HADHA: variants seen among roughly 807,000 people sequenced by gnomAD.
HADHA encodes the protein hydroxyacyl-CoA dehydrogenase trifunctional multienzyme complex subunit alpha.
A neutral mutation model predicts 91.3 loss-of-function variants in HADHA; 59 were observed. The observed-to-expected ratio is 0.65, with a 90% confidence interval of 0.52 to 0.80. The LOEUF (loss-of-function observed/expected upper bound fraction) is 0.80. Ranked by LOEUF, HADHA falls within the 30% of genes least tolerant of loss-of-function variation. HADHA has a pLI of 0.00. For synonymous variants in HADHA, 320 were observed against 338.9 expected (o/e 0.94, Z 0.61); for missense variants, 800 against 927.6 (o/e 0.86, Z 1.79).
At chr2:26,244,020 G>C (rs868005904) in intron 1 of HADHA, among the ~76,000 whole-genome samples, 1 of 152,264 alleles carries the variant, frequency 6.6e-6, no homozygotes, top group African/African-American at 2.4e-5. Flanking sequence ...TACTTGATTG[G>C]GGTAGTAAGC....
intron 7 of HADHA, among the ~76,000 whole-genome samples, chr2:26,228,454 T>C (rs1670535291): frequency 6.6e-6 from 1 of 152,132 alleles, no homozygotes; most frequent in Admixed American, 6.6e-5. Flanking sequence ...GACTTAAAGA[T>C]GAATGTTCAT....
At chr2:26,227,516 A>G (rs1259629581) in intron 7 of HADHA, among the ~76,000 whole-genome samples, 3 of 152,012 alleles carry the variant, frequency 2.0e-5, no homozygotes, top group African/African-American at 7.2e-5. Context: ...TGTCTCAAAA[A>G]AAAAAAAAGA....
intron 7 of HADHA, among the ~76,000 whole-genome samples, chr2:26,222,211 G>A (rs1441792438): frequency 6.6e-6 from 1 of 152,210 alleles, no homozygotes; most frequent in Non-Finnish European, 1.5e-5. Flanking sequence ...GACACAGTAA[G>A]AAAGCAGTGC....
rs752300459 is a variant in HADHA, at chr2:26,194,571, TG to T, written c.1687del (p.Gln563ArgfsTer12). 1 of 1,597,250 alleles carries T rather than the reference TG, an allele frequency of 6.3e-7. No individual in the cohort carries two copies. The highest frequency in any genetic ancestry group is 8.6e-7 in the Non-Finnish European group (1 of 1,164,684). On this transcript the variant is annotated frameshift_variant and splice_region_variant, in exon 16 of 20. Transcript: ENST00000380649. LOFTEE classifies it high-confidence loss of function. ...PMMSEVIRIL[Q>X]EGVDPKKLDS... ...AACACTCTGGAGAGCAATACCAACC[TG>T]GAGGATTCGGATGACTTCAGACATC...
At chr2:26,207,424 A>C (rs1222018720) in intron 11 of HADHA, among the ~76,000 whole-genome samples, 1 of 151,132 alleles carries the variant, frequency 6.6e-6, no homozygotes, top group African/African-American at 2.4e-5. Context: ...CTTTTTTGGT[A>C]TAACAGAATC....
At position 26,201,216 on chromosome 2, in the gene HADHA, T is replaced by A. The variant is rs751092349; in HGVS notation, c.1325A>T (p.Asp442Val). 28 of 1,613,708 alleles carry A rather than the reference T, an allele frequency of 1.7e-5. No individual in the cohort carries two copies. Among genetic ancestry groups the A allele is most frequent in the Non-Finnish European group, 2.4e-5 (28 of 1,179,678 alleles). The part of the protein sequence containing the change: ...QLDYQGFEKA[D>V]MVIEAVFEDL... ...CTCAAACACAGCTTCAATCACCATG[T>A]CGGCCTTTTCAAAACCTTGGTAATC... The change falls in exon 13 of 20, where the codon GAC becomes GTC. Residue 442 changes from aspartate to valine, a missense_variant. Asp to Val is a radical substitution (Grantham distance 152). Coordinates refer to ENST00000380649, the MANE Select transcript of HADHA (RefSeq NM_000182.5).
chr2:26,195,238 A>G lies in HADHA; in HGVS notation c.1480-6T>C. 1.2e-6 allele frequency: 2 copies of G among 1,611,866 alleles called. No individual in the cohort carries two copies. The highest frequency in any genetic ancestry group is 1.1e-5 in the South Asian group (1 of 91,032). On this transcript the variant is annotated splice_region_variant and splice_polypyrimidine_tract_variant and intron_variant, in intron 14 of 19. Coordinates refer to ENST00000380649, the MANE Select transcript of HADHA (RefSeq NM_000182.5). ...AAGTAGTGCATGCCAATCACCTGGC[A>G]AGGGGAACCAAAAGCCAACAGATCG... is the stretch of plus-strand genomic sequence containing the variant.
intron 11 of HADHA, among the ~76,000 whole-genome samples, chr2:26,206,980 T>C (rs1329160889): frequency 1.3e-5 from 2 of 152,110 alleles, no homozygotes; most frequent in Non-Finnish European, 1.5e-5. Flanking sequence ...GGAGGACTGC[T>C]TGAGGCCAGA....
chr2:26,195,697 T>A (rs1399317991), intron 14 of HADHA, among the ~76,000 whole-genome samples: 1 of 152,166 alleles, frequency 6.6e-6, no homozygotes, highest in East Asian at 1.9e-4. Context: ...TAGGTTTAAC[T>A]AACACTCCTC....
At chr2:26,209,751 A>T (rs776500880) in intron 11 of HADHA, 29 bp downstream of exon 11, 1 of 1,080,428 alleles carries the variant, frequency 9.3e-7, no homozygotes, top group South Asian at 1.2e-5. Context: ...TAAAATTCAC[A>T]AGGGCTTCCT....
intron 14 of HADHA, among the ~76,000 whole-genome samples, chr2:26,197,347 C>A (rs937374198): frequency 4.6e-5 from 7 of 152,214 alleles, no homozygotes; most frequent in Non-Finnish European, 7.3e-5. Context: ...CAAACCTGTT[C>A]TAAACAGTCA....
intron 7 of HADHA, among the ~76,000 whole-genome samples, chr2:26,217,774 G>A (rs1670275446): frequency 6.6e-6 from 1 of 152,008 alleles, no homozygotes; most frequent in African/African-American, 2.4e-5. Context: ...GGGCATGGTG[G>A]TGCATGACTG....
chr2:26,239,581 G>A (rs906883557), intron 1 of HADHA, among the ~76,000 whole-genome samples: 1 of 152,070 alleles, frequency 6.6e-6, no homozygotes, highest in Non-Finnish European at 1.5e-5. Flanking sequence ...AAGGTGGAGT[G>A]GAATAGGGGA....
intron 7 of HADHA, among the ~76,000 whole-genome samples, chr2:26,217,007 G>A (rs748648859): frequency 2.1e-4 from 32 of 152,170 alleles, no homozygotes; most frequent in Non-Finnish European, 4.3e-4. Flanking sequence ...CAGACGTGAT[G>A]TTCAAGACTA....
chr2:26,232,221 G>A lies in HADHA; in HGVS notation c.512C>T (p.Thr171Ile), dbSNP rs771500299. The change falls in exon 6 of 20, where the codon ACC (threonine) becomes ATC (isoleucine). Residue 171 changes from threonine (T) to isoleucine (I), a missense_variant. Coordinates refer to ENST00000380649, the MANE Select transcript of HADHA (RefSeq NM_000182.5). ...TAAGGCCCCCAGCAAAACTTCAGGG[G>A]TACCTAATACTGTTTTTCTGTCTTT... is the stretch of plus-strand genomic sequence containing the variant. ...ATKDRKTVLG[T>I]PEVLLGALPG... 5 of 1,604,242 alleles carry A rather than the reference G, an allele frequency of 3.1e-6. No homozygotes were observed. Among genetic ancestry groups the A allele is most frequent in the South Asian group, 2.2e-5 (2 of 90,884 alleles).
Position 26,191,355 on chromosome 2 carries a change from T to C in HADHA, c.2187A>G (p.Ile729Met). 1 of 1,614,202 alleles carries C rather than the reference T, an allele frequency of 6.2e-7. No individual in the cohort carries two copies. Among genetic ancestry groups the C allele is most frequent in the Non-Finnish European group, 8.5e-7 (1 of 1,180,046 alleles). The change falls in exon 20 of 20, where the codon ATA becomes ATG. Residue 729 changes from isoleucine to methionine, a missense_variant. Transcript: ENST00000380649. ...RFVDLYGAQK[I>M]VDRLKKYEAA... ...CTTCATATTTCTTGAGCCGGTCCAC[T>C]ATCTTCTGGGCGCCATACAGATCCA...
intron 7 of HADHA, among the ~76,000 whole-genome samples, chr2:26,228,750 C>T (rs893096758): frequency 1.3e-5 from 2 of 152,174 alleles, no homozygotes; most frequent in Non-Finnish European, 2.9e-5. Flanking sequence ...TAGCTCACTA[C>T]AGCCTTGAAC....
At position 26,195,129 on chromosome 2, in the gene HADHA, A is replaced by G. The variant is rs767447918; in HGVS notation, c.1583T>C (p.Val528Ala). ...GATGACCTTCCCCTGCTTGAGACCA[A>G]CTGCTACAGCTGAAGCACTGGTGTC... ...SKDTSASAVA[V>A]GLKQGKVIIV... is the part of the protein sequence containing the mutation. Residue 528 changes from valine (V) to alanine (A), a missense_variant, in exon 15 of 20, where the codon GTT becomes GCT. Val to Ala is a moderately conservative substitution (Grantham distance 64). Coordinates refer to ENST00000380649, the MANE Select transcript of HADHA (RefSeq NM_000182.5). 20 of 1,612,640 alleles carry G rather than the reference A, an allele frequency of 1.2e-5. No individual in the cohort carries two copies. The highest frequency in any genetic ancestry group is 9.4e-5 in the African/African-American group (7 of 74,772).
chr2:26,211,130 A>G (rs1280327340), intron 10 of HADHA, among the ~76,000 whole-genome samples: 1 of 152,254 alleles, frequency 6.6e-6, no homozygotes, highest in Non-Finnish European at 1.5e-5. Flanking sequence ...GTGGGTGCCA[A>G]TAAGCATTAC....
Sources: allele counts gnomAD v4.1 joint callset (sites outside exome capture counted in the v4.1 genomes callset), GRCh38; gene constraint gnomAD v4.1.1; transcripts MANE v1.5; gene names NCBI Gene and HGNC (gene_info 2026-07-23, HGNC 2026-07-21).